The following GALNT17 variants were observed in gnomAD, a reference collection of about 807,000 sequenced individuals.
The protein encoded by GALNT17 is UDP-GalNAc:polypeptide N-acetylgalactosaminyltransferase-like 3.
A neutral mutation model predicts 63.7 loss-of-function variants in GALNT17; 29 were observed. The ratio of observed to expected loss-of-function variants is 0.46; its 90% confidence interval spans 0.34 to 0.62. GALNT17 has a LOEUF of 0.62. Among genes scored for constraint, GALNT17 ranks in the 20% least tolerant of loss-of-function variants. GALNT17 has a pLI of 0.01. For missense variants in GALNT17, 603 were observed against 799.6 expected, an observed-to-expected ratio of 0.75 and a Z score of 2.97; for synonymous variants, 305 against 318.3, an observed-to-expected ratio of 0.96 and a Z score of 0.45.
rs569090575 is a variant in GALNT17 at position 71,209,335 on chromosome 7, A to G, written c.238+76295A>G. 3.3e-5 allele frequency among the ~76,000 whole-genome samples: 5 copies of G among 152,260 alleles called. No individual in the cohort carries two copies. In the East Asian group the frequency reaches 9.6e-4, roughly 29 times the overall value. On this transcript the variant is annotated intron_variant, in intron 1 of 10. Transcript: ENST00000333538. ...ACTTAGCAAATTCTATGTGCTGGGT[A>G]CTGGGCTTTATCTTTTCATATATAG...
At chr7:71,461,818 G>C (rs542133948) in intron 5 of GALNT17, among the ~76,000 whole-genome samples, 1 of 152,110 alleles carries the variant, frequency 6.6e-6, no homozygotes, top group Non-Finnish European at 1.5e-5. Flanking sequence ...CAGCAGGTCG[G>C]CTCATCTTGG....
chr7:71,702,298 C>G (rs496833), intron 9 of GALNT17, among the ~76,000 whole-genome samples: 25,175 of 151,882 alleles, frequency 0.17, 2,631 homozygotes, highest in African/African-American at 0.29. Context: ...AATAGAAAAA[C>G]AGAAAGATAC....
At chr7:71,156,931 T>C (rs1233825458) in intron 1 of GALNT17, among the ~76,000 whole-genome samples, 2 of 151,458 alleles carry the variant, frequency 1.3e-5, no homozygotes, top group Non-Finnish European at 2.9e-5. Flanking sequence ...ATTTTCTTAA[T>C]ATATTTTATT....
intron 5 of GALNT17, among the ~76,000 whole-genome samples, chr7:71,500,886 A>G (rs1788169721): frequency 6.6e-6 from 1 of 151,650 alleles, no homozygotes; most frequent in African/African-American, 2.4e-5. Context: ...CTCCCCCTTT[A>G]CCATATCGAT....
chr7:71,196,334 T>G (rs1337685784), intron 1 of GALNT17, among the ~76,000 whole-genome samples: 1 of 152,064 alleles, frequency 6.6e-6, no homozygotes. Flanking sequence ...GAGATGGGAC[T>G]TCATCATGTT....
At chr7:71,573,524 TG>T (rs1410455532) in intron 6 of GALNT17, among the ~76,000 whole-genome samples, 3 of 151,250 alleles carry the variant, frequency 2.0e-5, no homozygotes, top group African/African-American at 7.3e-5. Flanking sequence ...TTAGTAGAAA[TG>T]GGATTTCACT....
chr7:71,451,782 A>C (rs2116552018), intron 5 of GALNT17, among the ~76,000 whole-genome samples: 1 of 152,322 alleles, frequency 6.6e-6, no homozygotes, highest in South Asian at 2.1e-4. Context: ...TTAATTCCAG[A>C]CTTTCTTTCC....
chr7:71,177,758 G>A (rs1404879781), intron 1 of GALNT17, among the ~76,000 whole-genome samples: 1 of 152,102 alleles, frequency 6.6e-6, no homozygotes, highest in Non-Finnish European at 1.5e-5. Context: ...CTTGTGTCAC[G>A]TTATTTACTT....
chr7:71,187,286 CTT>C (rs74272911), intron 1 of GALNT17, among the ~76,000 whole-genome samples: 20 of 123,284 alleles, frequency 1.6e-4, no homozygotes, highest in Non-Finnish European at 1.3e-4. Context: ...ATTTTTCTTT[CTT>C]TTTTTTTTTT....
At chr7:71,303,076 G>A (rs570247692) in intron 1 of GALNT17, among the ~76,000 whole-genome samples, 9 of 151,970 alleles carry the variant, frequency 5.9e-5, no homozygotes, top group Non-Finnish European at 1.0e-4. Context: ...CGTTGGCCAG[G>A]GTGGTCTTGA....
chr7:71,265,118 A>ATATTTTTTTT (rs1390488895), intron 1 of GALNT17, among the ~76,000 whole-genome samples: 5 of 37,458 alleles, frequency 1.3e-4, no homozygotes, highest in Admixed American at 5.8e-4. Flanking sequence ...ATATATATAT[A>ATATTTTTTTT]TTTTTTTTTT....
chr7:71,558,019 A>G (rs1789193130), intron 5 of GALNT17, among the ~76,000 whole-genome samples: 1 of 152,152 alleles, frequency 6.6e-6, no homozygotes, highest in Admixed American at 6.5e-5. Context: ...GATTGCAGTG[A>G]GCTGAGATCA....
chr7:71,450,726 C>G (rs1787246723), intron 5 of GALNT17, among the ~76,000 whole-genome samples: 3 of 152,186 alleles, frequency 2.0e-5, no homozygotes, highest in African/African-American at 7.2e-5. Flanking sequence ...TTTGGATTTG[C>G]CTGTTCTGGA....
chr7:71,299,979 G>A (rs1364134179), intron 1 of GALNT17, among the ~76,000 whole-genome samples: 1 of 151,946 alleles, frequency 6.6e-6, no homozygotes, highest in Admixed American at 6.6e-5. Flanking sequence ...TTGATAATCA[G>A]GTTGGCCAGG....
At chr7:71,380,513 G>T (rs951225924) in intron 2 of GALNT17, among the ~76,000 whole-genome samples, 3 of 151,974 alleles carry the variant, frequency 2.0e-5, no homozygotes, top group Non-Finnish European at 4.4e-5. Context: ...GTAGCGATGG[G>T]ATCTTGCTTT....
chr7:71,702,869 A>C (rs1791672073), intron 9 of GALNT17, among the ~76,000 whole-genome samples: 1 of 152,216 alleles, frequency 6.6e-6, no homozygotes, highest in Non-Finnish European at 1.5e-5. Context: ...GGATGGAGTT[A>C]TCATTACCAA....
intron 5 of GALNT17, among the ~76,000 whole-genome samples, chr7:71,550,441 C>T (rs1459059339): frequency 2.6e-5 from 4 of 151,946 alleles, no homozygotes; most frequent in East Asian, 1.9e-4. Flanking sequence ...AGTGCAGTGG[C>T]GTGATTTTGG....
At chr7:71,170,628 A>G (rs1479243688) in intron 1 of GALNT17, among the ~76,000 whole-genome samples, 1 of 152,016 alleles carries the variant, frequency 6.6e-6, no homozygotes, top group Non-Finnish European at 1.5e-5. Context: ...GAGTCACTGC[A>G]CCTGGCCTGA....
chr7:71,261,907 T>C (rs561532759), intron 1 of GALNT17, among the ~76,000 whole-genome samples: 1 of 152,266 alleles, frequency 6.6e-6, no homozygotes, highest in South Asian at 2.1e-4. Flanking sequence ...TACAGCATAG[T>C]GGAGTAAAAT....
Sources: allele counts gnomAD v4.1 joint callset (sites outside exome capture counted in the v4.1 genomes callset), GRCh38; gene constraint gnomAD v4.1.1; transcripts MANE v1.5; gene names NCBI Gene and HGNC (gene_info 2026-07-23, HGNC 2026-07-21).